Variants in CSMD1 observed in about 807,000 individuals in gnomAD.
CSMD1 encodes CUB and Sushi multiple domains 1, also known as CUB and sushi domain-containing protein 1.
A neutral mutation model predicts 417.5 loss-of-function variants in CSMD1; 213 were observed. That is an observed-to-expected ratio of 0.51 (90% CI 0.46 to 0.57). The LOEUF (loss-of-function observed/expected upper bound fraction) is 0.57. CSMD1 is among the 20% of genes least tolerant of loss of function. The pLI is 0.00. For missense variants in CSMD1, 6,923 were observed against 4,529.7 expected (o/e 1.53, Z -15.17); for synonymous variants, 2,862 against 1,736.8 (o/e 1.65, Z -16.11).
At chr8:4,549,896 C>CAAAAAAAAAAA (rs777040766) in intron 2 of CSMD1, among the ~76,000 whole-genome samples, 104 of 88,552 alleles carry the variant, frequency 1.2e-3, no homozygotes, top group African/African-American at 1.6e-3. Flanking sequence ...GACTTTGTCT[C>CAAAAAAAAAAA]AAAAAAAAAA....
chr8:4,166,152 A>T (rs1559564), intron 3 of CSMD1, among the ~76,000 whole-genome samples: 80,405 of 152,102 alleles, frequency 0.53, 22,820 homozygotes, highest in Non-Finnish European at 0.63. Flanking sequence ...CCATAACATT[A>T]TTTTAAATTT....
At chr8:3,148,974 TAA>T (rs1819020720) in intron 40 of CSMD1, among the ~76,000 whole-genome samples, 1 of 152,236 alleles carries the variant, frequency 6.6e-6, no homozygotes, top group Non-Finnish European at 1.5e-5. Context: ...TGATTTGAGA[TAA>T]AGTTTCTTTT....
intron 5 of CSMD1, among the ~76,000 whole-genome samples, chr8:3,942,544 G>A (rs996335576): frequency 4.6e-5 from 7 of 152,122 alleles, no homozygotes; most frequent in African/African-American, 7.2e-5. Context: ...GGTGCATGAG[G>A]ACTGAAAATG....
At chr8:4,747,112 T>G (rs1490683846) in intron 1 of CSMD1, among the ~76,000 whole-genome samples, 1 of 152,190 alleles carries the variant, frequency 6.6e-6, no homozygotes, top group Non-Finnish European at 1.5e-5. Context: ...GCAGGTGCTT[T>G]CGGCTCCTGC....
At chr8:4,123,456 T>C (rs766045) in intron 3 of CSMD1, among the ~76,000 whole-genome samples, 18,277 of 152,282 alleles carry the variant, frequency 0.12, 1,393 homozygotes, top group Non-Finnish European at 0.17. Context: ...TGTTTAAATA[T>C]CATTATTGTG....
intron 1 of CSMD1, among the ~76,000 whole-genome samples, chr8:4,728,677 T>A (rs951097116): frequency 1.3e-5 from 2 of 152,164 alleles, no homozygotes; most frequent in African/African-American, 4.8e-5. Context: ...CTTAAGTGGA[T>A]AATGCTTCCA....
chr8:4,428,216 A>C (rs1394993879), intron 2 of CSMD1, among the ~76,000 whole-genome samples: 1 of 152,178 alleles, frequency 6.6e-6, no homozygotes, highest in Non-Finnish European at 1.5e-5. Flanking sequence ...GTGTCCACTG[A>C]ACCACACATT....
intron 27 of CSMD1, among the ~76,000 whole-genome samples, chr8:3,226,882 G>A (rs2116887655): frequency 6.6e-6 from 1 of 151,824 alleles, no homozygotes; most frequent in South Asian, 2.1e-4. Context: ...AAGTAAAAAA[G>A]TAAATTAGCT....
intron 3 of CSMD1, among the ~76,000 whole-genome samples, chr8:4,261,270 C>T (rs747702810): frequency 7.9e-5 from 12 of 152,120 alleles, no homozygotes; most frequent in Non-Finnish European, 1.2e-4. Flanking sequence ...CTGTTTTCTT[C>T]TCTTTCCTTT....
intron 1 of CSMD1, among the ~76,000 whole-genome samples, chr8:4,817,234 G>C (rs993637582): frequency 2.6e-5 from 4 of 152,106 alleles, no homozygotes; most frequent in South Asian, 2.1e-4. Context: ...TAGATTTGCA[G>C]TTAGTGAAAA....
At chr8:3,628,987 G>C (rs556146400) in intron 7 of CSMD1, among the ~76,000 whole-genome samples, 1 of 152,054 alleles carries the variant, frequency 6.6e-6, no homozygotes, top group East Asian at 1.9e-4. Context: ...GGAGGATAGA[G>C]AAAAGGGAAA....
chr8:3,349,093 C>A lies in CSMD1; in HGVS notation c.3305-932G>T, dbSNP rs150753628. On this transcript the variant is annotated intron_variant, in intron 21 of 69. Coordinates refer to ENST00000635120, the MANE Select transcript of CSMD1 (RefSeq NM_033225.6). ...GTGCCCAGCACACCGATGTAAACAT[C>A]CCACAGAATGCCTATTCTTTTGAAG... Among the ~76,000 whole-genome samples, 18 of 152,308 alleles carry A rather than the reference C, an allele frequency of 1.2e-4. 1 individual carries two copies. The East Asian group carries it at 3.1e-3, about 26-fold the overall frequency.
In CSMD1 at chr8:3,960,685, AAG is replaced by A. The variant is rs1245101616; in HGVS notation, c.818+37216_818+37217del. 3.3e-5 allele frequency among the ~76,000 whole-genome samples: 5 copies of A among 151,996 alleles called. No individual in the cohort carries two copies. In the East Asian group the frequency reaches 5.8e-4, roughly 18 times the overall value. On this transcript the variant is annotated intron_variant, in intron 5 of 69. Coordinates refer to ENST00000635120, the MANE Select transcript of CSMD1 (RefSeq NM_033225.6). ...AGAAGTTATGATAAAACTTTTTATA[AAG>A]ATAAATTTAATAAGATATATTTCTT...
intron 40 of CSMD1, among the ~76,000 whole-genome samples, chr8:3,142,988 A>ACG (rs1368642762): frequency 6.6e-6 from 1 of 152,184 alleles, no homozygotes; most frequent in African/African-American, 2.4e-5. Flanking sequence ...ACTAGCACAC[A>ACG]CGCACTCGGG....
At chr8:4,638,267 T>G (rs1802965407) in intron 1 of CSMD1, among the ~76,000 whole-genome samples, 1 of 152,094 alleles carries the variant, frequency 6.6e-6, no homozygotes, top group Non-Finnish European at 1.5e-5. Flanking sequence ...AGAATAAACA[T>G]TATAAAACTA....
intron 1 of CSMD1, among the ~76,000 whole-genome samples, chr8:4,866,090 A>C (rs1802406210): frequency 6.6e-6 from 1 of 151,934 alleles, no homozygotes; most frequent in Non-Finnish European, 1.5e-5. Context: ...ACCATCAATA[A>C]CAGTAATCCA....
At chr8:4,714,166 C>G (rs1446069018) in intron 1 of CSMD1, among the ~76,000 whole-genome samples, 1 of 151,950 alleles carries the variant, frequency 6.6e-6, no homozygotes, top group South Asian at 2.1e-4. Flanking sequence ...AAAAAGAATA[C>G]CTTGTGTTCT....
At chr8:3,101,215 C>A (rs1035962963) in intron 46 of CSMD1, among the ~76,000 whole-genome samples, 6 of 152,158 alleles carry the variant, frequency 3.9e-5, no homozygotes, top group Admixed American at 6.5e-5. Flanking sequence ...CCCCAAAACA[C>A]CCTGAGAGCA....
chr8:4,305,369 T>G (rs1363677624), intron 3 of CSMD1, among the ~76,000 whole-genome samples: 1 of 152,098 alleles, frequency 6.6e-6, no homozygotes, highest in Non-Finnish European at 1.5e-5. Flanking sequence ...CTAAGGGGCT[T>G]GCAGGGATAG....
Sources: gnomAD v4.1 joint callset for allele counts (sites outside exome capture counted in the v4.1 genomes callset) on GRCh38, gnomAD v4.1.1 for gene constraint, MANE v1.5 for transcripts, NCBI Gene and HGNC (gene_info 2026-07-23, HGNC 2026-07-21) for gene names.